The following P2RY14 variants were observed in gnomAD, a reference collection of about 807,000 sequenced individuals.
P2RY14 encodes the protein P2Y purinoceptor 14.
Under a neutral mutation model 0.9 loss-of-function variants are expected in P2RY14, and 2 were observed. That is an observed-to-expected ratio of 2.16 (90% CI 0.88 to 6.79). The LOEUF is 6.79. P2RY14 is among the 30% of genes most tolerant of loss of function. P2RY14 has a pLI of 0.05. For synonymous variants in P2RY14, 158 were observed against 147.2 expected (o/e 1.07, Z -0.53); for missense variants, 378 against 400.1 (o/e 0.94, Z 0.47).
At chr3:151,249,796 C>T (rs1052829678) in intron 1 of P2RY14, among the ~76,000 whole-genome samples, 6 of 152,134 alleles carry the variant, frequency 3.9e-5, no homozygotes, top group African/African-American at 1.4e-4. Context: ...ACAAGTTCTT[C>T]CTGGGGATTT....
intron 2 of P2RY14, among the ~76,000 whole-genome samples, chr3:151,215,468 A>G (rs574967942): frequency 2.0e-5 from 3 of 152,224 alleles, no homozygotes; most frequent in African/African-American, 7.2e-5. Flanking sequence ...ATTTAACTTA[A>G]TTTTACTTTT....
chr3:151,247,059 G>T (rs1000709801), intron 1 of P2RY14, among the ~76,000 whole-genome samples: 9 of 152,126 alleles, frequency 5.9e-5, no homozygotes, highest in Admixed American at 3.3e-4. Context: ...AAAACCACAA[G>T]AAGATACCAT....
intron 1 of P2RY14, among the ~76,000 whole-genome samples, chr3:151,247,959 C>CT (rs1407147027): frequency 4.6e-5 from 3 of 65,448 alleles, no homozygotes; most frequent in South Asian, 5.4e-4. Context: ...TCTTCTTCTT[C>CT]TTCTTTTTTT....
At chr3:151,219,171 T>C (rs573870419) in intron 2 of P2RY14, among the ~76,000 whole-genome samples, 1 of 152,334 alleles carries the variant, frequency 6.6e-6, no homozygotes, top group East Asian at 1.9e-4. Flanking sequence ...GTGAGTGCAC[T>C]TGTCCCTTAG....
At chr3:151,266,414 T>A (rs1460407638) in intron 1 of P2RY14, among the ~76,000 whole-genome samples, 1 of 152,248 alleles carries the variant, frequency 6.6e-6, no homozygotes, top group African/African-American at 2.4e-5. Flanking sequence ...GAAAGCAGTT[T>A]AGTGTTGAGC....
At chr3:151,229,388 A>G (rs556110169) in intron 1 of P2RY14, among the ~76,000 whole-genome samples, 1 of 143,096 alleles carries the variant, frequency 7.0e-6, no homozygotes, top group South Asian at 2.2e-4. Flanking sequence ...GCTCACTGCA[A>G]CCTCGCCTCC....
chr3:151,230,089 C>T (rs1577045210), intron 1 of P2RY14, among the ~76,000 whole-genome samples: 1 of 152,276 alleles, frequency 6.6e-6, no homozygotes, highest in Non-Finnish European at 1.5e-5. Flanking sequence ...CCCGCCTCTG[C>T]CTCCCAAGTA....
At chr3:151,236,214 A>T (rs1559916172) in intron 1 of P2RY14, among the ~76,000 whole-genome samples, 1 of 152,222 alleles carries the variant, frequency 6.6e-6, no homozygotes, top group Admixed American at 6.5e-5. Flanking sequence ...TTACTTATAC[A>T]ACTTTGGTCA....
In P2RY14 at chr3:151,212,640, A is replaced by T. The variant is rs996651792; in HGVS notation, c.*660T>A. The T allele has an allele frequency of 7.2e-5, 11 of 152,142 alleles. No homozygotes were observed. Among genetic ancestry groups the T allele is most frequent in the African/African-American group, 2.7e-4 (11 of 41,438 alleles). 9.4% of individuals were successfully genotyped at this position (152,142 alleles called of 1,614,324 possible). ...TGACGTAAGTCTTTGTAGAAAACAT[A>T]TTTAGCATGTATCTAATATCCTCAA... On this transcript the variant is annotated 3_prime_UTR_variant, in exon 3 of 3. Transcript: ENST00000309170.
intron 1 of P2RY14, among the ~76,000 whole-genome samples, chr3:151,262,467 C>A (rs1559954653): frequency 6.6e-6 from 1 of 152,200 alleles, no homozygotes; most frequent in Non-Finnish European, 1.5e-5. Flanking sequence ...TGGCTGGCAA[C>A]AGTGGGTGCC....
At chr3:151,265,906 G>A (rs753760682) in intron 1 of P2RY14, among the ~76,000 whole-genome samples, 1 of 152,148 alleles carries the variant, frequency 6.6e-6, no homozygotes, top group Non-Finnish European at 1.5e-5. Context: ...GAGTCTTGCG[G>A]CCCTGAGAAT....
chr3:151,226,188 G>T (rs1013519692), intron 1 of P2RY14, among the ~76,000 whole-genome samples: 2 of 152,194 alleles, frequency 1.3e-5, no homozygotes, highest in African/African-American at 4.8e-5. Context: ...GGTGGCATCA[G>T]GGCAGCCTTC....
chr3:151,267,806 A>T (rs1740123665), intron 1 of P2RY14, among the ~76,000 whole-genome samples: 1 of 152,194 alleles, frequency 6.6e-6, no homozygotes, highest in Admixed American at 6.5e-5. Context: ...ATAAGAAAGG[A>T]ACCTTGCTAA....
intron 1 of P2RY14, among the ~76,000 whole-genome samples, chr3:151,255,721 C>A (rs1380328119): frequency 1.3e-5 from 2 of 152,144 alleles, no homozygotes; most frequent in Non-Finnish European, 2.9e-5. Context: ...TTTACTCCAG[C>A]ATAGAGACAA....
Position 151,213,411 on chromosome 3 carries a change from A to G in P2RY14, c.906T>C (p.Phe302=). Residue 302 remains phenylalanine (F), a synonymous_variant, in exon 3 of 3, where the codon TTT becomes TTC. Transcript: ENST00000309170. ...GCAATTTCTTACATAAGATTTCCCT[A>G]AACGGCTGGCATAGAAAGAAATAAA... ...PIIYFFLCQP[F]REILCKKLHI... 2 of 1,614,106 alleles carry G rather than the reference A, an allele frequency of 1.2e-6. No individual in the cohort carries two copies. Among genetic ancestry groups the G allele is most frequent in the African/African-American group, 1.3e-5 (1 of 75,064 alleles).
chr3:151,275,255 G>A (rs1322677197), intron 1 of P2RY14, among the ~76,000 whole-genome samples: 1 of 152,014 alleles, frequency 6.6e-6, no homozygotes, highest in Non-Finnish European at 1.5e-5. Flanking sequence ...ATCGCTTTGG[G>A]CCAACCTCAG....
chr3:151,231,295 C>T (rs1341257248), intron 1 of P2RY14, among the ~76,000 whole-genome samples: 2 of 152,078 alleles, frequency 1.3e-5, no homozygotes, highest in Non-Finnish European at 2.9e-5. Context: ...CAATTGTGGC[C>T]AAAAGCCACT....
intron 2 of P2RY14, among the ~76,000 whole-genome samples, chr3:151,214,652 G>A (rs932213469): frequency 6.6e-6 from 1 of 150,530 alleles, no homozygotes; most frequent in Admixed American, 6.7e-5. Context: ...CAATGAAAAG[G>A]GAAGAATGGA....
At chr3:151,214,469 T>C (rs973667427) in intron 2 of P2RY14, 129 bp from the exon 3 acceptor site, 1 of 603,574 alleles carries the variant, frequency 1.7e-6, no homozygotes, top group Non-Finnish European at 2.9e-6. Flanking sequence ...TTTTACTCTG[T>C]GTAAGTTAGA....
Sources: allele counts gnomAD v4.1 joint callset (sites outside exome capture counted in the v4.1 genomes callset), GRCh38; gene constraint gnomAD v4.1.1; transcripts MANE v1.5; gene names NCBI Gene and HGNC (gene_info 2026-07-23, HGNC 2026-07-21).